QSER1: variants seen among roughly 807,000 people sequenced by gnomAD.
The protein encoded by QSER1 is glutamine and serine-rich protein 1.
Under a neutral mutation model 158.5 loss-of-function variants are expected in QSER1, and 49 were observed. The observed-to-expected ratio is 0.31, with a 90% CI of 0.25 to 0.39. The LOEUF is 0.39. Ranked by LOEUF, QSER1 falls within the 10% of genes least tolerant of loss-of-function variation. The pLI is 1.00. For synonymous variants in QSER1, 650 were observed against 715.5 expected (o/e 0.91, Z 1.46); for missense variants, 1,754 against 2,010.3 (o/e 0.87, Z 2.44).
intron 4 of QSER1, among the ~76,000 whole-genome samples, chr11:32,946,094 C>T (rs1295753557): frequency 6.6e-6 from 1 of 152,152 alleles, no homozygotes; most frequent in Non-Finnish European, 1.5e-5. Context: ...CCGTCAGCTC[C>T]TTTAAGCACT....
At chr11:32,957,686 G>A (rs937394248) in intron 7 of QSER1, 183 bp from the exon 8 acceptor site, 3 of 573,558 alleles carry the variant, frequency 5.2e-6, no homozygotes, top group Non-Finnish European at 9.2e-6. Context: ...TGAAAAGAAT[G>A]TATTTTAAGA....
At chr11:32,896,258 G>C (rs1039243866) in intron 1 of QSER1, among the ~76,000 whole-genome samples, 4 of 152,196 alleles carry the variant, frequency 2.6e-5, no homozygotes, top group Non-Finnish European at 4.4e-5. Flanking sequence ...GAAGAGGCAG[G>C]CTGTTTTATG....
chr11:32,980,082 G>T lies in QSER1; in HGVS notation c.*3608G>T, dbSNP rs1853045112. On this transcript the variant is annotated 3_prime_UTR_variant, in exon 13 of 13. Coordinates refer to ENST00000650167, the MANE Select transcript of QSER1 (RefSeq NM_001076786.3). ...GGCATCTGTGTTCACAAATGCATGTGTTAGCAAATCACCTTTATTTATAAG... is the reference window on the plus strand; with the variant it reads ...GGCATCTGTGTTCACAAATGCATGTTTTAGCAAATCACCTTTATTTATAAG... 1 of 152,588 alleles carries T rather than the reference G, an allele frequency of 6.6e-6. No homozygotes were observed. Among genetic ancestry groups the T allele is most frequent in the East Asian group, 1.9e-4 (1 of 5,198 alleles). 9.5% of individuals were successfully genotyped at this position (152,588 alleles called of 1,614,324 possible). A position where few individuals can be genotyped will look rare whatever the true frequency, so the allele number is the denominator to read the frequency against.
At chr11:32,971,384 G>A (rs1852853593) in intron 10 of QSER1, among the ~76,000 whole-genome samples, 1 of 152,142 alleles carries the variant, frequency 6.6e-6, no homozygotes, top group Non-Finnish European at 1.5e-5. Flanking sequence ...GCTTTTTCAA[G>A]GTAATGATGT....
rs1370516370 is a variant in QSER1, at chr11:32,931,738, C to T, written c.485-5C>T. ...CATAAAAATCTTTGTGCCTTTTCTT[C>T]ATAGGCATGCATTCCTCAGCAGCAA... On this transcript the variant is annotated splice_polypyrimidine_tract_variant and splice_region_variant and intron_variant, in intron 3 of 12. Transcript: ENST00000650167. The T allele has an allele frequency of 6.4e-7, 1 of 1,566,012 alleles. No homozygotes were observed. Among genetic ancestry groups the T allele is most frequent in the East Asian group, 2.2e-5 (1 of 44,510 alleles).
At chr11:32,963,508 T>C (rs969746657) in intron 8 of QSER1, among the ~76,000 whole-genome samples, 1 of 151,980 alleles carries the variant, frequency 6.6e-6, no homozygotes, top group African/African-American at 2.4e-5. Context: ...CCCGCCATCA[T>C]GCCTGGCTAC....
intron 1 of QSER1, among the ~76,000 whole-genome samples, chr11:32,916,262 A>G (rs1851829977): frequency 6.6e-6 from 1 of 152,126 alleles, no homozygotes; most frequent in South Asian, 2.1e-4. Flanking sequence ...AAATCGTACA[A>G]TTCAATAATT....
intron 11 of QSER1, among the ~76,000 whole-genome samples, chr11:32,974,054 C>T (rs941483381): frequency 6.6e-6 from 1 of 152,118 alleles, no homozygotes; most frequent in African/African-American, 2.4e-5. Flanking sequence ...GGAATTTGTT[C>T]ATCTTCAAAC....
In QSER1 at chr11:32,933,294, T is replaced by G; in HGVS notation, c.2036T>G (p.Leu679Arg). The change falls in exon 4 of 13, where the codon CTT becomes CGT. Residue 679 changes from leucine (L) to arginine (R), a missense_variant. Transcript: ENST00000650167. ...PDPKSYAERK[L>R]DSDVYPSSKQ... is the part of the protein sequence containing the mutation. ...CCAAAGTCTTATGCTGAAAGAAAGC[T>G]TGACTCAGATGTGTATCCATCTTCA... is the stretch of plus-strand genomic sequence containing the variant. The G allele has an allele frequency of 3.1e-6, 5 of 1,610,320 alleles. No homozygotes were observed. The highest frequency in any genetic ancestry group is 4.2e-6 in the Non-Finnish European group (5 of 1,178,854).
chr11:32,896,198 A>AG (rs1257491746), intron 1 of QSER1, among the ~76,000 whole-genome samples: 2 of 152,194 alleles, frequency 1.3e-5, no homozygotes, highest in African/African-American at 4.8e-5. Context: ...AAGAGTCTGC[A>AG]GATCCATTGC....
chr11:32,897,008 A>G (rs1009551208), intron 1 of QSER1, among the ~76,000 whole-genome samples: 4 of 152,270 alleles, frequency 2.6e-5, no homozygotes, highest in African/African-American at 9.6e-5. Context: ...GTTTTTTCCC[A>G]TGGAAACCGT....
intron 3 of QSER1, among the ~76,000 whole-genome samples, chr11:32,930,724 T>C (rs1290955315): frequency 2.0e-5 from 3 of 152,226 alleles, no homozygotes; most frequent in African/African-American, 7.2e-5. Flanking sequence ...TTGTTTCTAC[T>C]TACTGTAAAC....
chr11:32,968,939 C>T, intron 9 of QSER1, 107 bp from the exon 10 acceptor site: 1 of 606,526 alleles, frequency 1.6e-6, no homozygotes, highest in Non-Finnish European at 2.8e-6. Context: ...TTACATATGC[C>T]AATGAATTTA....
intron 10 of QSER1, among the ~76,000 whole-genome samples, chr11:32,973,091 T>C (rs1852900418): frequency 6.6e-6 from 1 of 152,216 alleles, no homozygotes; most frequent in Non-Finnish European, 1.5e-5. Context: ...TGTGGTGTGC[T>C]GTTGCTTAAA....
rs572832878 is a variant in QSER1 at position 32,910,483 on chromosome 11, A to G, written c.210-16674A>G. ...CTCTGCCATATATTTGTTTTATTCT[A>G]TTTTGTAGAATTGGCTAGACACTTG... On this transcript the variant is annotated intron_variant, in intron 1 of 12. Transcript: ENST00000650167. Among the ~76,000 whole-genome samples the G allele has an allele frequency of 6.6e-5, 10 of 152,272 alleles. 1 individual carries two copies. The East Asian group carries it at 1.7e-3, about 26-fold the overall frequency.
chr11:32,905,204 C>G (rs1590709965), intron 1 of QSER1, among the ~76,000 whole-genome samples: 1 of 152,226 alleles, frequency 6.6e-6, no homozygotes. Context: ...CCATCATTCT[C>G]ATTACTGTGT....
At chr11:32,909,856 G>T (rs1851744342) in intron 1 of QSER1, among the ~76,000 whole-genome samples, 2 of 152,114 alleles carry the variant, frequency 1.3e-5, no homozygotes, top group South Asian at 4.1e-4. Context: ...GGTGTATTTT[G>T]ATTTTAGGAT....
chr11:32,949,907 A>C (rs951757849), intron 4 of QSER1, among the ~76,000 whole-genome samples: 1 of 152,090 alleles, frequency 6.6e-6, no homozygotes, highest in Admixed American at 6.5e-5. Context: ...GCCAGTCTGC[A>C]TTTCCACTTT....
chr11:32,899,330 G>T (rs1202263950), intron 1 of QSER1, among the ~76,000 whole-genome samples: 1 of 152,152 alleles, frequency 6.6e-6, no homozygotes, highest in Non-Finnish European at 1.5e-5. Flanking sequence ...CTACCCTGTA[G>T]TTGGGACCAA....
Sources: gnomAD v4.1 joint callset for allele counts (sites outside exome capture counted in the v4.1 genomes callset) on GRCh38, gnomAD v4.1.1 for gene constraint, MANE v1.5 for transcripts, NCBI Gene and HGNC (gene_info 2026-07-23, HGNC 2026-07-21) for gene names.